The following PPHLN1 variants were observed in gnomAD, a reference collection of about 807,000 sequenced individuals.
PPHLN1 encodes periphilin-1.
A neutral mutation model predicts 51.3 loss-of-function variants in PPHLN1; 29 were observed. That is an observed-to-expected ratio of 0.57 (90% CI 0.42 to 0.77). The LOEUF is 0.77. Ranked by LOEUF, PPHLN1 falls within the 30% of genes least tolerant of loss-of-function variation. The pLI is 0.00. For missense variants in PPHLN1, 436 were observed against 438.4 expected (o/e 0.99, Z 0.05); for synonymous variants, 147 against 147.8 (o/e 0.99, Z 0.04).
At chr12:42,425,465 C>T (rs1422217131) in intron 9 of PPHLN1, among the ~76,000 whole-genome samples, 2 of 151,766 alleles carry the variant, frequency 1.3e-5, no homozygotes, top group Non-Finnish European at 2.9e-5. Flanking sequence ...CAGCCCACTG[C>T]AACCTCTGCC....
chr12:42,362,561 G>A (rs2074815362), intron 4 of PPHLN1, among the ~76,000 whole-genome samples: 1 of 152,120 alleles, frequency 6.6e-6, no homozygotes, highest in African/African-American at 2.4e-5. Flanking sequence ...CTAAATTCAG[G>A]TGTTTCTCCA....
chr12:42,337,014 G>C (rs564621361), intron 2 of PPHLN1, among the ~76,000 whole-genome samples: 1 of 152,294 alleles, frequency 6.6e-6, no homozygotes, highest in East Asian at 1.9e-4. Context: ...AAAAAATAAA[G>C]ATGCCCATTA....
At chr12:42,413,524 A>ATGTGTGTGTGTGTGTG (rs1397983458) in intron 9 of PPHLN1, among the ~76,000 whole-genome samples, 2 of 119,012 alleles carry the variant, frequency 1.7e-5, no homozygotes, top group Non-Finnish European at 3.6e-5. Flanking sequence ...ATATATATGT[A>ATGTGTGTGTGTGTGTG]TATGTGTGTG....
intron 1 of PPHLN1, chr12:42,331,828 G>A (rs983876499): frequency 6.6e-6 from 1 of 152,170 alleles, no homozygotes; most frequent in Admixed American, 6.5e-5. Context: ...GATATGAGGA[G>A]ATGTAGTGAT....
intron 9 of PPHLN1, among the ~76,000 whole-genome samples, chr12:42,435,640 C>T (rs1257097327): frequency 3.3e-5 from 5 of 152,112 alleles, no homozygotes; most frequent in East Asian, 1.9e-4. Context: ...TTGTATATTA[C>T]GCCCCAATTG....
intron 9 of PPHLN1, among the ~76,000 whole-genome samples, chr12:42,429,161 A>G (rs1163353120): frequency 1.3e-5 from 2 of 152,022 alleles, no homozygotes; most frequent in African/African-American, 4.8e-5. Flanking sequence ...TAGCCTTTTT[A>G]TATGTTTTGC....
chr12:42,409,075 G>T (rs2079570825), intron 9 of PPHLN1, among the ~76,000 whole-genome samples: 1 of 152,168 alleles, frequency 6.6e-6, no homozygotes, highest in African/African-American at 2.4e-5. Flanking sequence ...AAACTTGTGT[G>T]AATGTGGTCT....
At position 42,412,339 on chromosome 12, in the gene PPHLN1, T is replaced by C. The variant is rs920088547; in HGVS notation, c.909+13345T>C. ...CTTAGCTCTCACTTGTGAGAACATATGGTATTTGGTTTCAGTTTCCTGAGT... is the reference window on the plus strand; with the variant it reads ...CTTAGCTCTCACTTGTGAGAACATACGGTATTTGGTTTCAGTTTCCTGAGT... On this transcript the variant is annotated intron_variant, in intron 9 of 9. Transcript: ENST00000358314. Among the ~76,000 whole-genome samples the C allele has an allele frequency of 7.9e-5, 12 of 152,262 alleles. No individual in the cohort carries two copies. The South Asian group carries it at 1.2e-3, about 16-fold the overall frequency.
intron 9 of PPHLN1, among the ~76,000 whole-genome samples, chr12:42,419,453 T>C (rs1257529982): frequency 1.3e-5 from 2 of 152,150 alleles, no homozygotes; most frequent in African/African-American, 4.8e-5. Flanking sequence ...AAGCTGGTCT[T>C]GAACTCCTGA....
intron 5 of PPHLN1, among the ~76,000 whole-genome samples, chr12:42,376,263 A>G (rs2076256747): frequency 2.0e-5 from 3 of 152,204 alleles, no homozygotes; most frequent in Admixed American, 6.5e-5. Context: ...TCAAATAATA[A>G]GAGTTTTAAT....
At chr12:42,343,901 A>G (rs1184780200) in intron 2 of PPHLN1, 1 of 447,724 alleles carries the variant, frequency 2.2e-6, no homozygotes, top group African/African-American at 2.0e-5. Context: ...TCATTCAAGA[A>G]TCAGTGAGTG....
intron 5 of PPHLN1, among the ~76,000 whole-genome samples, chr12:42,379,961 T>G (rs561626268): frequency 5.9e-5 from 9 of 152,234 alleles, no homozygotes; most frequent in Non-Finnish European, 1.2e-4. Context: ...CAGCATTGTT[T>G]GTTGCTATTC....
chr12:42,440,063 T>C (rs1468927936), intron 9 of PPHLN1, among the ~76,000 whole-genome samples: 1 of 150,398 alleles, frequency 6.6e-6, no homozygotes, highest in East Asian at 1.9e-4. Flanking sequence ...GCTATCTCTC[T>C]ATATCTTATT....
At chr12:42,401,735 C>T (rs532968363) in intron 9 of PPHLN1, among the ~76,000 whole-genome samples, 1 of 152,106 alleles carries the variant, frequency 6.6e-6, no homozygotes, top group Admixed American at 6.5e-5. Context: ...TATAAGTATG[C>T]TATCTTTTGA....
At chr12:42,372,663 C>G (rs182059653) in intron 4 of PPHLN1, among the ~76,000 whole-genome samples, 20 of 151,624 alleles carry the variant, frequency 1.3e-4, no homozygotes, top group African/African-American at 4.4e-4. Context: ...TCTTTTTTTC[C>G]TTTGCTTTCC....
At chr12:42,446,216 C>T (rs952206173), downstream of PPHLN1, 12 of 1,612,628 alleles carry the variant, frequency 7.4e-6, no homozygotes, top group African/African-American at 1.3e-5. Context: ...GATCCTGCTC[C>T]GAACACAGAC....
intron 5 of PPHLN1, among the ~76,000 whole-genome samples, chr12:42,377,916 G>A (rs1259454267): frequency 2.0e-5 from 3 of 152,254 alleles, no homozygotes; most frequent in Non-Finnish European, 2.9e-5. Context: ...GAGCCGTAAC[G>A]TGATGCTCCT....
chr12:42,421,003 T>G (rs2139689426), intron 9 of PPHLN1, among the ~76,000 whole-genome samples: 1 of 152,196 alleles, frequency 6.6e-6, no homozygotes, highest in East Asian at 1.9e-4. Context: ...AGGAATAATT[T>G]TTATTGACCA....
At chr12:42,340,335 A>G (rs1305383129) in intron 2 of PPHLN1, among the ~76,000 whole-genome samples, 1 of 151,496 alleles carries the variant, frequency 6.6e-6, no homozygotes, top group Non-Finnish European at 1.5e-5. Context: ...AAAAAGATTT[A>G]AAAATATTTG....
Sources: allele counts gnomAD v4.1 joint callset (sites outside exome capture counted in the v4.1 genomes callset), GRCh38; gene constraint gnomAD v4.1.1; transcripts MANE v1.5; gene names NCBI Gene and HGNC (gene_info 2026-07-23, HGNC 2026-07-21).